Variants in DPP10 observed in about 807,000 individuals in gnomAD.
The protein encoded by DPP10 is dipeptidyl peptidase like 10.
Under a neutral mutation model 120.9 loss-of-function variants are expected in DPP10, and 33 were observed. That is an observed-to-expected ratio of 0.27 (90% confidence interval 0.21 to 0.37). The LOEUF is 0.37. Among genes scored for constraint, DPP10 ranks in the 10% least tolerant of loss-of-function variants. DPP10 has a pLI of 1.00. For synonymous variants in DPP10, 337 were observed against 326.1 expected, an observed-to-expected ratio of 1.03 and a Z score of -0.36; for missense variants, 816 against 942.8, an observed-to-expected ratio of 0.87 and a Z score of 1.76.
At chr2:114,915,916 C>T (rs1051232084) in intron 1 of DPP10, among the ~76,000 whole-genome samples, 1 of 152,018 alleles carries the variant, frequency 6.6e-6, no homozygotes, top group Non-Finnish European at 1.5e-5. Context: ...ACAGTTCTAA[C>T]ATCATATGTA....
chr2:115,808,945 T>G (rs1686327576), intron 19 of DPP10, among the ~76,000 whole-genome samples: 1 of 152,206 alleles, frequency 6.6e-6, no homozygotes, highest in African/African-American at 2.4e-5. Flanking sequence ...TCGAATCAAC[T>G]GCTTTCCTGG....
At chr2:115,282,086 G>A (rs916318091) in intron 1 of DPP10, among the ~76,000 whole-genome samples, 2 of 151,874 alleles carry the variant, frequency 1.3e-5, no homozygotes. Context: ...TTTTTCTCAC[G>A]CTAAGAAGTA....
chr2:114,489,425 C>T (rs7581714), intron 1 of DPP10, among the ~76,000 whole-genome samples: 18,284 of 152,174 alleles, frequency 0.12, 2,871 homozygotes, highest in African/African-American at 0.36. Flanking sequence ...GCCAGGGGCC[C>T]AGCATCCAAT....
chr2:115,050,965 A>G (rs1225199857), intron 1 of DPP10, among the ~76,000 whole-genome samples: 1 of 152,242 alleles, frequency 6.6e-6, no homozygotes, highest in South Asian at 2.1e-4. Context: ...AATTCAGAAA[A>G]GTCACTAAAC....
At chr2:115,345,062 C>T (rs1005878136) in intron 3 of DPP10, among the ~76,000 whole-genome samples, 8 of 152,094 alleles carry the variant, frequency 5.3e-5, no homozygotes, top group East Asian at 1.9e-4. Flanking sequence ...TGATATGTCT[C>T]CTGGAGATCT....
chr2:114,598,382 G>A (rs1692098342), intron 1 of DPP10, among the ~76,000 whole-genome samples: 1 of 151,926 alleles, frequency 6.6e-6, no homozygotes, highest in South Asian at 2.1e-4. Context: ...GATGGAGAGA[G>A]GGAGAAGATA....
intron 1 of DPP10, among the ~76,000 whole-genome samples, chr2:115,031,928 G>A (rs1217598627): frequency 3.3e-5 from 5 of 152,012 alleles, no homozygotes; most frequent in Admixed American, 3.3e-4. Context: ...GACAATAATA[G>A]GTGTTGTTGC....
intron 1 of DPP10, among the ~76,000 whole-genome samples, chr2:114,540,319 T>G (rs1047682553): frequency 6.6e-6 from 1 of 152,204 alleles, no homozygotes. Context: ...TCATGGAGAA[T>G]CTGAGACAGA....
intron 3 of DPP10, among the ~76,000 whole-genome samples, chr2:115,428,934 A>G (rs997265632): frequency 2.0e-5 from 3 of 152,184 alleles, no homozygotes; most frequent in Non-Finnish European, 4.4e-5. Context: ...AGGAACCTCT[A>G]CTTTACTTTT....
At chr2:114,973,993 A>C (rs1262110135) in intron 1 of DPP10, among the ~76,000 whole-genome samples, 2 of 152,210 alleles carry the variant, frequency 1.3e-5, no homozygotes, top group African/African-American at 2.4e-5. Context: ...CAGCTGTGCC[A>C]TGTGTTTTAA....
intron 3 of DPP10, among the ~76,000 whole-genome samples, chr2:115,454,171 C>T (rs1349467778): frequency 6.6e-6 from 1 of 151,486 alleles, no homozygotes; most frequent in Admixed American, 6.6e-5. Context: ...ATCTTTCCTA[C>T]TGGTACCAGT....
chr2:114,763,886 G>A (rs1447333295), intron 1 of DPP10, among the ~76,000 whole-genome samples: 1 of 152,174 alleles, frequency 6.6e-6, no homozygotes, highest in Non-Finnish European at 1.5e-5. Flanking sequence ...TCTTTCAAGT[G>A]ATCTCATCAT....
chr2:115,343,763 T>C, intron 2 of DPP10, 54 bp from the exon 3 acceptor site: 1 of 1,327,932 alleles, frequency 7.5e-7, no homozygotes, highest in Non-Finnish European at 1.1e-6. Flanking sequence ...AATTTGCTCC[T>C]TTTAAAAAAC....
At position 115,796,363 on chromosome 2, in the gene DPP10, C is replaced by G. The variant is rs201280374; in HGVS notation, c.1700+5007C>G. ...TTTCTCTCCTGTTAAACTGCCAATT[C>G]CTTTTGAATAGTTTTGCCATACCGC... is the stretch of plus-strand genomic sequence containing the variant. On this transcript the variant is annotated intron_variant, in intron 19 of 25. Coordinates refer to ENST00000410059, the MANE Select transcript of DPP10 (RefSeq NM_020868.6). 3.3e-5 allele frequency among the ~76,000 whole-genome samples: 5 copies of G among 152,204 alleles called. No individual in the cohort carries two copies. In the East Asian group the frequency reaches 9.6e-4, roughly 29 times the overall value.
Position 115,814,807 on chromosome 2 carries a change from G to A in DPP10, c.1715G>A (p.Gly572Glu). The change falls in exon 20 of 26, where the codon GGA becomes GAA. Residue 572 changes from glycine (G) to glutamate (E), a missense_variant. Physicochemically the swap from Gly to Glu is moderately conservative, Grantham distance 98. Around this residue, in one of 3 missense-constraint regions of DPP10, gnomAD observed 592 missense variants for 649.0 expected, o/e 0.91. Transcript: ENST00000410059. ...ALLLIMDEEPGGQLVTDKFHI... is the reference protein window; with the variant it reads ...ALLLIMDEEPEGQLVTDKFHI... ...GGTATTTGCAGGGATGAAGAACCAG[G>A]AGGCCAGCTGGTTACAGATAAGTTC... is the stretch of plus-strand genomic sequence containing the variant. The A allele has an allele frequency of 6.5e-7, 1 of 1,545,536 alleles. No individual in the cohort carries two copies. The highest frequency in any genetic ancestry group is 8.8e-7 in the Non-Finnish European group (1 of 1,132,096).
rs549047875 is a variant in DPP10 at position 114,601,565 on chromosome 2, T to C, written c.60+158727T>C. 4.6e-5 allele frequency among the ~76,000 whole-genome samples: 7 copies of C among 152,058 alleles called. No individual in the cohort carries two copies. The East Asian group carries it at 1.2e-3, about 25-fold the overall frequency. ...GGGATTCCATTTCAAGTTTTAATGA[T>C]AGTATAAGCAGTACATTGAAAGACA... is the stretch of plus-strand genomic sequence containing the variant. On this transcript the variant is annotated intron_variant, in intron 1 of 25. Coordinates refer to ENST00000410059, the MANE Select transcript of DPP10 (RefSeq NM_020868.6).
At chr2:114,746,496 A>G (rs980320403) in intron 1 of DPP10, among the ~76,000 whole-genome samples, 2 of 152,252 alleles carry the variant, frequency 1.3e-5, no homozygotes, top group Admixed American at 6.5e-5. Context: ...TCAGGGAACT[A>G]AAGTTTCAAA....
chr2:114,556,020 A>G (rs1688265607), intron 1 of DPP10, among the ~76,000 whole-genome samples: 1 of 151,998 alleles, frequency 6.6e-6, no homozygotes, highest in Admixed American at 6.6e-5. Context: ...TTCAAGGGAA[A>G]AGCCTGGGAA....
intron 21 of DPP10, among the ~76,000 whole-genome samples, chr2:115,833,931 TTTTC>T (rs1689184163): frequency 1.3e-5 from 2 of 152,106 alleles, no homozygotes; most frequent in African/African-American, 4.8e-5. Flanking sequence ...ACCTTCTTAT[TTTTC>T]TTTCTTAGGT....
Sources: allele counts gnomAD v4.1 joint callset (sites outside exome capture counted in the v4.1 genomes callset), GRCh38; gene constraint gnomAD v4.1.1; regional missense constraint gnomAD v4.1.1; transcripts MANE v1.5; gene names NCBI Gene and HGNC (gene_info 2026-07-23, HGNC 2026-07-21).